Variants in GRIN2A observed in about 807,000 individuals in gnomAD.
The protein encoded by GRIN2A is glutamate ionotropic receptor NMDA type subunit 2A.
GRIN2A carries 22 observed loss-of-function variants against 113.4 expected under a neutral mutation model. The ratio of observed to expected loss-of-function variants is 0.19; its 90% confidence interval spans 0.14 to 0.28. GRIN2A has a LOEUF of 0.28. GRIN2A is among the 10% of genes least tolerant of loss of function. The pLI is 1.00. For missense variants in GRIN2A, 1,502 were observed against 1,887.0 expected (o/e 0.80, Z 3.78); for synonymous variants, 827 against 738.4 (o/e 1.12, Z -1.94).
intron 11 of GRIN2A, among the ~76,000 whole-genome samples, chr16:9,783,677 T>A (rs1399336617): frequency 6.6e-6 from 1 of 152,146 alleles, no homozygotes; most frequent in African/African-American, 2.4e-5. Flanking sequence ...AGAGAATGAA[T>A]AAAACTCAGG....
chr16:10,129,897 T>A (rs528531282), intron 2 of GRIN2A, among the ~76,000 whole-genome samples: 1 of 152,356 alleles, frequency 6.6e-6, no homozygotes, highest in East Asian at 1.9e-4. Context: ...TGTCACTGAA[T>A]GCAGATTTCA....
intron 2 of GRIN2A, among the ~76,000 whole-genome samples, chr16:9,955,197 T>C (rs1474226453): frequency 6.6e-6 from 1 of 152,192 alleles, no homozygotes; most frequent in African/African-American, 2.4e-5. Flanking sequence ...AATCACCACA[T>C]GGCCTGTGGA....
intron 2 of GRIN2A, among the ~76,000 whole-genome samples, chr16:9,972,246 G>C (rs2045687141): frequency 6.6e-6 from 1 of 152,154 alleles, no homozygotes; most frequent in Admixed American, 6.5e-5. Context: ...GTATAACCAG[G>C]TTAGTTACCT....
chr16:9,830,449 T>C (rs1216833731), intron 8 of GRIN2A, among the ~76,000 whole-genome samples: 1 of 148,568 alleles, frequency 6.7e-6, no homozygotes, highest in Non-Finnish European at 1.5e-5. Flanking sequence ...AACACACATA[T>C]TAGGGTTTTC....
chr16:9,921,088 A>T (rs2044350067), intron 3 of GRIN2A, among the ~76,000 whole-genome samples: 1 of 152,186 alleles, frequency 6.6e-6, no homozygotes, highest in Non-Finnish European at 1.5e-5. Context: ...GACGATTCTT[A>T]TAAACATTTT....
chr16:9,834,253 A>G, intron 7 of GRIN2A, 23 bp from the exon 8 acceptor site: 1 of 1,613,600 alleles, frequency 6.2e-7, no homozygotes, highest in Non-Finnish European at 8.5e-7. Context: ...AGATAAAGGA[A>G]TGGAAACGTG....
chr16:10,017,558 G>A (rs2046634059), intron 2 of GRIN2A, among the ~76,000 whole-genome samples: 2 of 152,276 alleles, frequency 1.3e-5, no homozygotes, highest in African/African-American at 2.4e-5. Flanking sequence ...TGAGAAATAT[G>A]AACAGTAACA....
chr16:9,780,756 G>A (rs1901890098), intron 11 of GRIN2A, among the ~76,000 whole-genome samples: 1 of 152,244 alleles, frequency 6.6e-6, no homozygotes, highest in Non-Finnish European at 1.5e-5. Flanking sequence ...ACAGGTATAA[G>A]TGTTCTTTTA....
chr16:9,831,106 G>C (rs1215413310), intron 8 of GRIN2A, among the ~76,000 whole-genome samples: 2 of 152,180 alleles, frequency 1.3e-5, no homozygotes, highest in African/African-American at 4.8e-5. Flanking sequence ...AAAGAAACAA[G>C]TAGCTGTCAT....
chr16:9,866,776 C>T (rs2043167130), intron 4 of GRIN2A, among the ~76,000 whole-genome samples: 1 of 152,082 alleles, frequency 6.6e-6, no homozygotes, highest in African/African-American at 2.4e-5. Flanking sequence ...CTCCACTGAC[C>T]ACCTCCAGTC....
chr16:10,121,259 AG>A (rs1235639190), intron 2 of GRIN2A: 1 of 152,360 alleles, frequency 6.6e-6, no homozygotes, highest in African/African-American at 2.4e-5. Context: ...AAGACCCAGG[AG>A]GTCCCCTAAT....
At chr16:9,930,619 T>C (rs1056069739) in intron 3 of GRIN2A, among the ~76,000 whole-genome samples, 1 of 152,234 alleles carries the variant, frequency 6.6e-6, no homozygotes, top group Non-Finnish European at 1.5e-5. Context: ...GTTGAGCATA[T>C]GGTGATCTCC....
chr16:9,892,950 AGAAG>A (rs1296113038), intron 3 of GRIN2A, among the ~76,000 whole-genome samples: 7 of 134,192 alleles, frequency 5.2e-5, no homozygotes, highest in Non-Finnish European at 9.3e-5. Flanking sequence ...AAAAAAAAAA[AGAAG>A]AAGAAGAAGA....
chr16:9,786,011 T>A (rs1902210222), intron 11 of GRIN2A, among the ~76,000 whole-genome samples: 2 of 152,218 alleles, frequency 1.3e-5, no homozygotes, highest in African/African-American at 2.4e-5. Context: ...GGGTTGTCAA[T>A]GGCACCCAGT....
intron 2 of GRIN2A, among the ~76,000 whole-genome samples, chr16:10,077,252 T>G (rs1044008285): frequency 6.6e-6 from 1 of 152,172 alleles, no homozygotes; most frequent in African/African-American, 2.4e-5. Flanking sequence ...TAAATTGATG[T>G]GCTTTAAGCC....
Position 10,020,195 on chromosome 16 carries a change from C to A in GRIN2A, c.415-81644G>T, listed in dbSNP as rs148081293. ...TTGGGAGGCTGAGATGGGTGGATGA[C>A]GAGGTCAGGAGTTCAAGACCAGCCT... On this transcript the variant is annotated intron_variant, in intron 2 of 12. Coordinates refer to ENST00000330684, the MANE Select transcript of GRIN2A (RefSeq NM_001134407.3). Among the ~76,000 whole-genome samples the A allele has an allele frequency of 5.2e-3, 794 of 152,246 alleles. 5 individuals carry two copies. The highest frequency in any genetic ancestry group is 0.018 in the African/African-American group (742 of 41,538).
intron 2 of GRIN2A, among the ~76,000 whole-genome samples, chr16:10,076,159 G>A (rs2047868967): frequency 6.6e-6 from 1 of 152,214 alleles, no homozygotes; most frequent in South Asian, 2.1e-4. Context: ...AGGAAGCAAA[G>A]TGGGTTGAGG....
chr16:9,901,420 A>G (rs185529035), intron 3 of GRIN2A, among the ~76,000 whole-genome samples: 284 of 152,252 alleles, frequency 1.9e-3, no homozygotes, highest in Admixed American at 6.9e-3. Context: ...CATCGTTAAT[A>G]TGTTGTTCTT....
intron 4 of GRIN2A, among the ~76,000 whole-genome samples, chr16:9,864,626 C>A (rs2043130326): frequency 6.6e-6 from 1 of 152,124 alleles, no homozygotes; most frequent in African/African-American, 2.4e-5. Context: ...ATGTAAAAAG[C>A]CAATTCCATT....
Sources: allele counts gnomAD v4.1 joint callset (sites outside exome capture counted in the v4.1 genomes callset), GRCh38; gene constraint gnomAD v4.1.1; transcripts MANE v1.5; gene names NCBI Gene and HGNC (gene_info 2026-07-23, HGNC 2026-07-21).